MMP26: variants seen among roughly 807,000 people sequenced by gnomAD.
The protein encoded by MMP26 is matrix metallopeptidase 26.
A neutral mutation model predicts 31.0 loss-of-function variants in MMP26; 33 were observed. That is an observed-to-expected ratio of 1.06 (90% CI 0.81 to 1.42). The LOEUF is 1.42. Among genes scored for constraint, MMP26 ranks in the 40% most tolerant of loss-of-function variants. The pLI is 0.00. For missense variants in MMP26, 347 were observed against 316.1 expected (o/e 1.10, Z -0.74); for synonymous variants, 122 against 114.9 (o/e 1.06, Z -0.40).
intron 2 of MMP26, among the ~76,000 whole-genome samples, chr11:4,918,448 A>G (rs976161467): frequency 6.6e-6 from 1 of 152,184 alleles, no homozygotes; most frequent in East Asian, 1.9e-4. Flanking sequence ...GGAATCAGAG[A>G]GAATAATGAG....
At chr11:4,962,917 TAC>T (rs1394787544) in intron 2 of MMP26, among the ~76,000 whole-genome samples, 4 of 152,138 alleles carry the variant, frequency 2.6e-5, no homozygotes. Flanking sequence ...CATGTCAAAG[TAC>T]AGGGGAAATA....
At chr11:4,857,109 A>T (rs570816608) in intron 2 of MMP26, among the ~76,000 whole-genome samples, 41 of 152,326 alleles carry the variant, frequency 2.7e-4, no homozygotes, top group African/African-American at 9.9e-4. Flanking sequence ...AAATGCCCAC[A>T]AGAGAAAGCA....
intron 1 of MMP26, among the ~76,000 whole-genome samples, chr11:4,729,267 G>A (rs1848141724): frequency 6.6e-6 from 1 of 152,106 alleles, no homozygotes; most frequent in African/African-American, 2.4e-5. Context: ...TTCAAAGGAT[G>A]TTTTTACTTA....
chr11:4,713,277 T>G (rs751864195), intron 1 of MMP26, among the ~76,000 whole-genome samples: 1 of 152,132 alleles, frequency 6.6e-6, no homozygotes, highest in Non-Finnish European at 1.5e-5. Context: ...GTTATTTAGA[T>G]TCAAATGACT....
intron 1 of MMP26, chr11:4,722,876 T>C (rs1848034607): frequency 1.2e-6 from 1 of 804,742 alleles, no homozygotes; most frequent in Non-Finnish European, 2.2e-6. Context: ...GCCCAGGCCA[T>C]AGCTGAGGCC....
intron 2 of MMP26, among the ~76,000 whole-genome samples, chr11:4,771,393 T>C (rs986177548): frequency 1.3e-5 from 2 of 151,866 alleles, no homozygotes; most frequent in South Asian, 2.1e-4. Flanking sequence ...CTCTGTGAAG[T>C]ATTTGGGGGT....
intron 1 of MMP26, among the ~76,000 whole-genome samples, chr11:4,764,826 TCG>T (rs1848608920): frequency 2.0e-5 from 3 of 151,932 alleles, no homozygotes; most frequent in Middle Eastern, 3.4e-3. Flanking sequence ...TGAGCTGAGA[TCG>T]CGCAGCGCCA....
chr11:4,799,058 C>A (rs1849146659), intron 2 of MMP26, among the ~76,000 whole-genome samples: 1 of 152,122 alleles, frequency 6.6e-6, no homozygotes, highest in Admixed American at 6.5e-5. Context: ...AAGAAAGGCA[C>A]CGTGAGGTCT....
chr11:4,802,151 T>C (rs991746657), intron 2 of MMP26, among the ~76,000 whole-genome samples: 1 of 152,240 alleles, frequency 6.6e-6, no homozygotes, highest in Non-Finnish European at 1.5e-5. Context: ...CTTACAATCA[T>C]GATAGAGTAA....
intron 2 of MMP26, among the ~76,000 whole-genome samples, chr11:4,793,347 A>G (rs1053576641): frequency 5.9e-5 from 9 of 152,156 alleles, no homozygotes; most frequent in Admixed American, 1.3e-4. Context: ...TTTTGTATCA[A>G]CTAAAACTTG....
intron 2 of MMP26, among the ~76,000 whole-genome samples, chr11:4,792,415 G>A (rs1849040862): frequency 1.3e-5 from 2 of 152,182 alleles, no homozygotes; most frequent in East Asian, 3.8e-4. Flanking sequence ...TATTTAGGGA[G>A]AGAGATTTTT....
chr11:4,757,897 T>C (rs922534536), intron 1 of MMP26, among the ~76,000 whole-genome samples: 2 of 151,966 alleles, frequency 1.3e-5, no homozygotes, highest in Non-Finnish European at 2.9e-5. Flanking sequence ...CATAATACAT[T>C]GCTTGTGGAC....
At chr11:4,973,099 G>T (rs1846687282) in intron 2 of MMP26, 1 of 193,092 alleles carries the variant, frequency 5.2e-6, no homozygotes, top group East Asian at 1.2e-4. Flanking sequence ...CAAACCGGTA[G>T]ATGACAGCTA....
chr11:4,877,076 C>T (rs1850391201), intron 2 of MMP26: 1 of 152,476 alleles, frequency 6.6e-6, no homozygotes, highest in African/African-American at 2.4e-5. Flanking sequence ...TCTGTCACTC[C>T]AATGTCCTCT....
At chr11:4,873,148 G>C (rs1177143618) in intron 2 of MMP26, among the ~76,000 whole-genome samples, 2 of 151,994 alleles carry the variant, frequency 1.3e-5, no homozygotes, top group Non-Finnish European at 2.9e-5. Context: ...CTTTTCCTTG[G>C]TTCATGAGAT....
intron 2 of MMP26, among the ~76,000 whole-genome samples, chr11:4,873,495 G>C (rs1850337412): frequency 6.6e-6 from 1 of 151,962 alleles, no homozygotes; most frequent in African/African-American, 2.4e-5. Flanking sequence ...CAGGCCATTG[G>C]TATTAAATGT....
intron 2 of MMP26, among the ~76,000 whole-genome samples, chr11:4,977,700 C>T (rs1169856433): frequency 1.3e-5 from 2 of 151,850 alleles, no homozygotes; most frequent in African/African-American, 4.8e-5. Flanking sequence ...CTTTTTTGTC[C>T]ATTCAGAAGC....
chr11:4,810,804 G>A (rs1316926570), intron 2 of MMP26, among the ~76,000 whole-genome samples: 1 of 152,202 alleles, frequency 6.6e-6, no homozygotes, highest in African/African-American at 2.4e-5. Flanking sequence ...AGCTTCCTCT[G>A]TTTCAGTACC....
intron 2 of MMP26, among the ~76,000 whole-genome samples, chr11:4,828,124 A>T (rs1200676948): frequency 5.9e-5 from 9 of 152,168 alleles, no homozygotes; most frequent in Non-Finnish European, 1.3e-4. Context: ...ATTTTTCTGA[A>T]TGTGAAAAAT....
Sources: gnomAD v4.1 joint callset for allele counts (sites outside exome capture counted in the v4.1 genomes callset) on GRCh38, gnomAD v4.1.1 for gene constraint, MANE v1.5 for transcripts, NCBI Gene and HGNC (gene_info 2026-07-23, HGNC 2026-07-21) for gene names.